Variants in UHMK1 observed in about 807,000 individuals in gnomAD.
The protein encoded by UHMK1 is U2AF homology motif kinase 1, also known as serine/threonine-protein kinase Kist.
Under a neutral mutation model 44.0 loss-of-function variants are expected in UHMK1, and 18 were observed. That is an observed-to-expected ratio of 0.41 (90% CI 0.28 to 0.61). The LOEUF is 0.61. Among genes scored for constraint, UHMK1 ranks in the 20% least tolerant of loss-of-function variants. The probability of loss-of-function intolerance (pLI) is 0.31; values close to 1 mark genes in which losing one functional copy is unlikely to be tolerated. For missense variants in UHMK1, 463 were observed against 522.5 expected, an observed-to-expected ratio of 0.89 and a Z score of 1.11; for synonymous variants, 231 against 198.5, an observed-to-expected ratio of 1.16 and a Z score of -1.38.
At chr1:162,517,968 T>A in intron 6 of UHMK1, 134 bp from the exon 7 acceptor site, 1 of 587,020 alleles carries the variant, frequency 1.7e-6, no homozygotes, top group Non-Finnish European at 3.1e-6. Context: ...CATTTGAATG[T>A]CAACTATTCA....
intron 6 of UHMK1, among the ~76,000 whole-genome samples, chr1:162,513,296 A>G (rs1172400222): frequency 1.3e-5 from 2 of 152,148 alleles, no homozygotes; most frequent in African/African-American, 4.8e-5. Context: ...ATCTTTACCC[A>G]GTTAATGAAG....
chr1:162,511,830 G>A (rs892054271), intron 4 of UHMK1, among the ~76,000 whole-genome samples: 10 of 151,990 alleles, frequency 6.6e-5, no homozygotes, highest in African/African-American at 1.9e-4. Context: ...TCCCAGCACC[G>A]TTTATTGAAA....
rs1432349236 is a variant in UHMK1, at chr1:162,528,242, A to G, written c.*5692A>G. ...AAGATTGCCAATTTTAAGAGTAAAG[A>G]GGAGAGAGATAAGTAATAAAAATAG... is the stretch of plus-strand genomic sequence containing the variant. On this transcript the variant is annotated 3_prime_UTR_variant, in exon 8 of 8. Transcript: ENST00000489294. 1 of 152,036 alleles carries G rather than the reference A, an allele frequency of 6.6e-6. No individual in the cohort carries two copies. The highest frequency in any genetic ancestry group is 6.6e-5 in the Admixed American group (1 of 15,256). 9.4% of individuals were successfully genotyped at this position (152,036 alleles called of 1,614,324 possible).
Position 162,503,853 on chromosome 1 carries a change from G to T in UHMK1, c.848+5G>T. The T allele has an allele frequency of 6.2e-7, 1 of 1,612,470 alleles. No homozygotes were observed. Among genetic ancestry groups the T allele is most frequent in the Admixed American group, 1.7e-5 (1 of 59,946 alleles). On this transcript the variant is annotated splice_donor_5th_base_variant and intron_variant, in intron 4 of 7. Transcript: ENST00000489294. ...CCTAAGAGACCTTATCAAAAGGTAT[G>T]TTACACGTACCATAAACTTGCTTTG...
At chr1:162,511,807 A>G (rs1651678771) in intron 4 of UHMK1, among the ~76,000 whole-genome samples, 1 of 152,124 alleles carries the variant, frequency 6.6e-6, no homozygotes, top group South Asian at 2.1e-4. Flanking sequence ...TTGGCGTGTT[A>G]ATATCCAGTT....
chr1:162,520,411 A>G (rs983572531), intron 7 of UHMK1, among the ~76,000 whole-genome samples: 2 of 152,148 alleles, frequency 1.3e-5, no homozygotes, highest in African/African-American at 2.4e-5. Flanking sequence ...AGCATTTATT[A>G]TGTTCTAGGT....
chr1:162,503,436 C>A (rs1651350597), intron 3 of UHMK1, among the ~76,000 whole-genome samples: 1 of 151,716 alleles, frequency 6.6e-6, no homozygotes, highest in Non-Finnish European at 1.5e-5. Context: ...ATAGTGAAAC[C>A]CCATAGCTAT....
At chr1:162,512,365 A>G (rs761920690) in intron 4 of UHMK1, 135 bp from the exon 5 acceptor site, 3 of 691,880 alleles carry the variant, frequency 4.3e-6, no homozygotes, top group East Asian at 2.7e-5. Flanking sequence ...ATTTGTATTT[A>G]TAAGTGAATG....
chr1:162,499,152 G>T (rs113523034), intron 1 of UHMK1, among the ~76,000 whole-genome samples: 1,553 of 152,062 alleles, frequency 0.01, 31 homozygotes, highest in African/African-American at 0.035. Context: ...TTAGTATTTA[G>T]ATTATAGAGA....
At position 162,522,462 on chromosome 1, in the gene UHMK1, G is replaced by C; in HGVS notation, c.1172G>C (p.Gly391Ala). 2 of 1,614,146 alleles carry C rather than the reference G, an allele frequency of 1.2e-6. No homozygotes were observed. The highest frequency in any genetic ancestry group is 1.7e-6 in the Non-Finnish European group (2 of 1,180,026). Residue 391 changes from glycine to alanine, a missense_variant, in exon 8 of 8, where the codon GGA becomes GCA. Physicochemically the swap from Gly to Ala is moderately conservative, Grantham distance 60 (BLOSUM62 0). Coordinates refer to ENST00000489294, the MANE Select transcript of UHMK1 (RefSeq NM_175866.5). ...DSKAAQKLLT[G>A]RMFDGKFVVA... ...AAAGCTGCGCAGAAATTACTGACTG[G>C]AAGGATGTTTGATGGGAAGTTTGTT...
rs911113555 is a variant in UHMK1, at chr1:162,523,789, A to G, written c.*1239A>G. ...AAACTAGAGGAGCAGCATCCCAGGT[A>G]GTTTGGCTTTTGACTGCAAGGTAGT... On this transcript the variant is annotated 3_prime_UTR_variant, in exon 8 of 8. Transcript: ENST00000489294. 3.9e-5 allele frequency: 6 copies of G among 152,148 alleles called. No individual in the cohort carries two copies. The highest frequency in any genetic ancestry group is 7.3e-5 in the Non-Finnish European group (5 of 68,030). 9.4% of individuals were successfully genotyped at this position (152,148 alleles called of 1,614,324 possible).
chr1:162,498,221 G>T lies in UHMK1; in HGVS notation c.221G>T (p.Arg74Leu). ...GCCTCTGCCGCCGAGTATGGTTTCC[G>T]CAAAGAGAGGGCGGCGCTGGAACAG... ...AAASAAEYGF[R>L]KERAALEQLQ... The change falls in exon 1 of 8, where the codon CGC becomes CTC. Residue 74 changes from arginine (R) to leucine (L), a missense_variant. Arg to Leu is a moderately radical substitution (Grantham distance 102). Coordinates refer to ENST00000489294, the MANE Select transcript of UHMK1 (RefSeq NM_175866.5). 3 of 1,609,730 alleles carry T rather than the reference G, an allele frequency of 1.9e-6. No individual in the cohort carries two copies. Among genetic ancestry groups the T allele is most frequent in the Middle Eastern group, 1.7e-4 (1 of 6,042 alleles).
At chr1:162,503,455 C>T (rs1481248586) in intron 3 of UHMK1, among the ~76,000 whole-genome samples, 3 of 151,666 alleles carry the variant, frequency 2.0e-5, no homozygotes, top group African/African-American at 7.3e-5. Flanking sequence ...ATAAAAAATA[C>T]AAAAAATTAG....
Position 162,500,904 on chromosome 1 carries a change from C to T in UHMK1, c.562-9C>T, listed in dbSNP as rs542726547. On this transcript the variant is annotated splice_polypyrimidine_tract_variant and intron_variant, in intron 2 of 7. Transcript: ENST00000489294. ...TTTATTGGTTGTAATATTTACTCAT[C>T]TTTTTTAGGATGTAAAGTATATTCA... The T allele has an allele frequency of 6.2e-6, 10 of 1,606,422 alleles. No individual in the cohort carries two copies. The East Asian group carries it at 8.9e-5, about 14-fold the overall frequency.
At position 162,498,149 on chromosome 1, in the gene UHMK1, C is replaced by G. The variant is rs961333975; in HGVS notation, c.149C>G (p.Pro50Arg). ...VRCCGNPGSP[P>R]GALKQFLPPG... ...TGCTGCGGCAACCCTGGCTCGCCCC[C>G]CGGCGCCCTCAAGCAGTTCTTGCCG... The change falls in exon 1 of 8, where the codon CCC (proline) becomes CGC (arginine). Residue 50 changes from proline (P) to arginine (R), a missense_variant. This residue lies in a region of UHMK1 where 191 missense variants were observed against 176.0 expected (regional missense o/e 1.09). Transcript: ENST00000489294. 3.7e-6 allele frequency: 6 copies of G among 1,612,842 alleles called. No homozygotes were observed. Among genetic ancestry groups the G allele is most frequent in the Non-Finnish European group, 4.2e-6 (5 of 1,179,708 alleles).
chr1:162,525,192 CTT>C lies in UHMK1; in HGVS notation c.*2643_*2644del, dbSNP rs1652204643. 2 of 152,172 alleles carry C rather than the reference CTT, an allele frequency of 1.3e-5. No homozygotes were observed. Among genetic ancestry groups the C allele is most frequent in the Non-Finnish European group, 2.9e-5 (2 of 68,028 alleles). The allele number at this position is 152,172 out of a possible 1,614,324, so 9.4% of individuals were successfully genotyped here. ...CCCTCCCTCCTGTGATATTATCTTT[CTT>C]AAACCTGAACCAAATATCAAAAGAT... On this transcript the variant is annotated 3_prime_UTR_variant, in exon 8 of 8. Transcript: ENST00000489294.
chr1:162,498,691 A>G (rs1259073515), intron 1 of UHMK1, among the ~76,000 whole-genome samples: 2 of 152,186 alleles, frequency 1.3e-5, no homozygotes, highest in East Asian at 3.8e-4. Context: ...CTCACCTATT[A>G]TATCTTTAGT....
intron 7 of UHMK1, among the ~76,000 whole-genome samples, chr1:162,520,383 T>C (rs1156537399): frequency 6.6e-6 from 1 of 152,232 alleles, no homozygotes; most frequent in African/African-American, 2.4e-5. Flanking sequence ...TGTTTAGTCA[T>C]TTAACTGATA....
At chr1:162,519,686 T>G (rs4656372) in intron 7 of UHMK1, among the ~76,000 whole-genome samples, 15,915 of 152,256 alleles carry the variant, frequency 0.1, 1,051 homozygotes, top group East Asian at 0.23. Flanking sequence ...TTTTGAGAGA[T>G]AGAATTTTGG....
Sources: allele counts gnomAD v4.1 joint callset (sites outside exome capture counted in the v4.1 genomes callset), GRCh38; gene constraint gnomAD v4.1.1; regional missense constraint gnomAD v4.1.1; transcripts MANE v1.5; gene names NCBI Gene and HGNC (gene_info 2026-07-23, HGNC 2026-07-21).